The following SCNN1G variants were observed in gnomAD, a reference collection of about 807,000 sequenced individuals.
SCNN1G encodes sodium channel epithelial 1 subunit gamma.
Under a neutral mutation model 64.6 loss-of-function variants are expected in SCNN1G, and 27 were observed. That is an observed-to-expected ratio of 0.42 (90% CI 0.31 to 0.58). The LOEUF is 0.58. Ranked by LOEUF, SCNN1G falls within the 20% of genes least tolerant of loss-of-function variation. The pLI, the probability that SCNN1G is intolerant of heterozygous loss-of-function variation, is 0.18. For synonymous variants in SCNN1G, 330 were observed against 314.2 expected (o/e 1.05, Z -0.53); for missense variants, 743 against 823.4 (o/e 0.90, Z 1.19).
intron 6 of SCNN1G, among the ~76,000 whole-genome samples, chr16:23,204,433 A>T (rs2141939965): frequency 7.0e-6 from 1 of 143,384 alleles, no homozygotes; most frequent in East Asian, 2.0e-4. Context: ...CTTTGAGTGA[A>T]AAAGGAAAAA....
chr16:23,197,145 T>C, intron 5 of SCNN1G, 119 bp from the exon 6 acceptor site: 1 of 809,332 alleles, frequency 1.2e-6, no homozygotes. Context: ...CGTCCACCTG[T>C]CACTTGCTAG....
chr16:23,210,522 T>C (rs922075316), intron 7 of SCNN1G, among the ~76,000 whole-genome samples: 2 of 152,218 alleles, frequency 1.3e-5, no homozygotes, highest in African/African-American at 4.8e-5. Flanking sequence ...CTTCCATCAC[T>C]GTCTCCTGTA....
At chr16:23,183,665 T>C (rs969425252) in intron 1 of SCNN1G, among the ~76,000 whole-genome samples, 13 of 151,924 alleles carry the variant, frequency 8.6e-5, no homozygotes, top group Non-Finnish European at 1.8e-4. Flanking sequence ...TTTCCTTCTC[T>C]GTGAAATGGG....
chr16:23,190,457 G>A (rs566216334), intron 3 of SCNN1G, among the ~76,000 whole-genome samples: 7 of 152,148 alleles, frequency 4.6e-5, no homozygotes, highest in Admixed American at 6.5e-5. Context: ...GCAGATGCAG[G>A]GATCTGGGTA....
At chr16:23,213,271 T>TA in intron 11 of SCNN1G, 108 bp downstream of exon 11, 1 of 777,962 alleles carries the variant, frequency 1.3e-6, no homozygotes, top group Non-Finnish European at 2.2e-6. Context: ...TTTTTTTTTT[T>TA]TTATGGAGTC....
intron 6 of SCNN1G, among the ~76,000 whole-genome samples, chr16:23,199,917 C>T (rs1233017420): frequency 6.6e-6 from 1 of 151,902 alleles, no homozygotes; most frequent in Non-Finnish European, 1.5e-5. Context: ...GTGATCCGCC[C>T]GCCTCAGCCT....
chr16:23,215,411 G>A lies in SCNN1G; in HGVS notation c.1892G>A (p.Arg631His), dbSNP rs139283096. The A allele has an allele frequency of 5.3e-5, 86 of 1,613,842 alleles. No homozygotes were observed. The highest frequency in any genetic ancestry group is 3.2e-4 in the South Asian group (29 of 91,078). Residue 631 changes from arginine to histidine, a missense_variant, in exon 13 of 13, where the codon CGC becomes CAC. Transcript: ENST00000300061. ...CCGCCCCCCAAATACAATACCTTGC[G>A]CTTGGAGAGGGCCTTTTCCAACCAG... ...GTPPPKYNTL[R>H]LERAFSNQLT...
rs539758620 is a variant in SCNN1G at position 23,214,971 on chromosome 16, C to T, written c.1570-118C>T. The stretch of plus-strand genomic sequence containing the variant: ...GAAACAGGAAGGCTGCCTGCTTCTT[C>T]CTCCCAGCCTGTGCAGGGTCGGGGC... On this transcript the variant is annotated intron_variant, in intron 12 of 12. Transcript: ENST00000300061. 3.9e-6 allele frequency: 5 copies of T among 1,292,396 alleles called. No individual in the cohort carries two copies. In the African/African-American group the frequency reaches 7.3e-5, roughly 19 times the overall value. 80.1% of individuals were successfully genotyped at this position (1,292,396 alleles called of 1,614,324 possible).
intron 3 of SCNN1G, among the ~76,000 whole-genome samples, chr16:23,191,152 C>A (rs2141930614): frequency 6.6e-6 from 1 of 151,998 alleles, no homozygotes; most frequent in East Asian, 1.9e-4. Context: ...GCCTGAGGGG[C>A]TCTTGAGAAA....
At chr16:23,188,530 A>G (rs1003459223) in intron 2 of SCNN1G, among the ~76,000 whole-genome samples, 1 of 152,190 alleles carries the variant, frequency 6.6e-6, no homozygotes, top group Non-Finnish European at 1.5e-5. Context: ...TAACAATAAT[A>G]GAGGGCATTT....
Position 23,212,269 on chromosome 16 carries a change from G to T in SCNN1G, c.1294+118G>T. The T allele has an allele frequency of 3.4e-5, 26 of 755,652 alleles. 2 individuals carry two copies. The highest frequency in any genetic ancestry group is 3.4e-4 in the South Asian group (24 of 71,586). 46.8% of individuals were successfully genotyped at this position (755,652 alleles called of 1,614,324 possible). ...CTTTTGCGTGAGGGAGGTATTGGTT[G>T]AGAGCCATTAACTAGAGTTTTACTT... is the stretch of plus-strand genomic sequence containing the variant. On this transcript the variant is annotated intron_variant, in intron 8 of 12. Transcript: ENST00000300061.
intron 12 of SCNN1G, 89 bp downstream of exon 12, chr16:23,214,876 G>C (rs763962978): frequency 1.4e-5 from 17 of 1,218,992 alleles, no homozygotes; most frequent in Non-Finnish European, 2.1e-5. Flanking sequence ...CAGGGTAGGG[G>C]GTTCCAGCCT....
Position 23,186,098 on chromosome 16 carries a change from G to A in SCNN1G, c.-44-130G>A. The A allele has an allele frequency of 5.9e-6, 4 of 676,224 alleles. No individual in the cohort carries two copies. The South Asian group carries it at 6.9e-5, about 12-fold the overall frequency. The allele number at this position is 676,224 out of a possible 1,614,324, so 41.9% of individuals were successfully genotyped here. ...AGGATTCAGAATGCAAAGTGCCTAA[G>A]CCACAGAGGAACAGAGGAAGGAGGT... On this transcript the variant is annotated intron_variant, in intron 1 of 12. Coordinates refer to ENST00000300061, the MANE Select transcript of SCNN1G (RefSeq NM_001039.4).
chr16:23,209,933 G>A (rs1960053043), intron 7 of SCNN1G, 85 bp downstream of exon 7: 1 of 944,590 alleles, frequency 1.1e-6, no homozygotes, highest in Admixed American at 1.9e-5. Context: ...GGTGTGGCTT[G>A]CACCAGGAAC....
intron 6 of SCNN1G, among the ~76,000 whole-genome samples, chr16:23,200,825 A>T (rs1337641378): frequency 6.6e-6 from 1 of 152,182 alleles, no homozygotes; most frequent in African/African-American, 2.4e-5. Context: ...TTAAGCTGAG[A>T]CAGCGAGATG....
Position 23,197,399 on chromosome 16 carries a change from C to A in SCNN1G, c.1049C>A (p.Ala350Glu). The change falls in exon 6 of 13, where the codon GCA becomes GAA. Residue 350 changes from alanine to glutamate, a missense_variant. Coordinates refer to ENST00000300061, the MANE Select transcript of SCNN1G (RefSeq NM_001039.4). Reference sequence around the variant, plus strand: ...GATGTGGGAACAGAGATTGAGACAGCAATGGTCACCTCTATAGGAATGCAC... The same window carrying A: ...GATGTGGGAACAGAGATTGAGACAGAAATGGTCACCTCTATAGGAATGCAC... ...VEDVGTEIETAMVTSIGMHLT... is the reference protein window; with the variant it reads ...VEDVGTEIETEMVTSIGMHLT... 1 of 1,613,996 alleles carries A rather than the reference C, an allele frequency of 6.2e-7. No individual in the cohort carries two copies. Among genetic ancestry groups the A allele is most frequent in the Non-Finnish European group, 8.5e-7 (1 of 1,179,886 alleles).
chr16:23,190,397 T>C (rs1422022728), intron 3 of SCNN1G, among the ~76,000 whole-genome samples: 1 of 151,906 alleles, frequency 6.6e-6, no homozygotes, highest in Non-Finnish European at 1.5e-5. Flanking sequence ...GTAAATGTAT[T>C]AGAAGGCAAC....
intron 12 of SCNN1G, 88 bp downstream of exon 12, chr16:23,214,875 G>A (rs1960134695): frequency 1.6e-6 from 2 of 1,240,024 alleles, no homozygotes; most frequent in African/African-American, 1.5e-5. Context: ...TCAGGGTAGG[G>A]GGTTCCAGCC....
At chr16:23,208,068 A>C (rs1960019083) in intron 6 of SCNN1G, among the ~76,000 whole-genome samples, 2 of 152,204 alleles carry the variant, frequency 1.3e-5, no homozygotes, top group African/African-American at 2.4e-5. Flanking sequence ...TCTTCCATTG[A>C]GTTGCTGACC....
Sources: allele counts gnomAD v4.1 joint callset (sites outside exome capture counted in the v4.1 genomes callset), GRCh38; gene constraint gnomAD v4.1.1; transcripts MANE v1.5; gene names NCBI Gene and HGNC (gene_info 2026-07-23, HGNC 2026-07-21).